The following SDE2 variants were observed in gnomAD, a reference collection of about 807,000 sequenced individuals.
The protein encoded by SDE2 is splicing regulator SDE2.
Under a neutral mutation model 46.9 loss-of-function variants are expected in SDE2, and 31 were observed. That is an observed-to-expected ratio of 0.66 (90% confidence interval 0.50 to 0.89). The LOEUF is 0.89. Among genes scored for constraint, SDE2 ranks in the 40% least tolerant of loss-of-function variants. SDE2 has a pLI of 0.00. For missense variants in SDE2, 542 were observed against 564.4 expected (o/e 0.96, Z 0.40); for synonymous variants, 205 against 204.3 (o/e 1.00, Z -0.03).
chr1:225,992,949 G>C lies in SDE2; in HGVS notation c.292C>G (p.Arg98Gly), dbSNP rs756471525. 6.2e-6 allele frequency: 10 copies of C among 1,613,312 alleles called. No homozygotes were observed. The highest frequency in any genetic ancestry group is 5.0e-5 in the Admixed American group (3 of 59,986). Residue 98 changes from arginine (R) to glycine (G), a missense_variant, in exon 3 of 7, where the codon CGA becomes GGA. Arg to Gly is a moderately radical substitution (Grantham distance 125). Transcript: ENST00000272091. ...LGAQIEKTTN[R>G]EACRDLSGRR... ...CCACTGAGATCCCGACAAGCTTCTCGATTGGTTGTCTTCTCAATCTGAGCA... is the reference window on the plus strand; with the variant it reads ...CCACTGAGATCCCGACAAGCTTCTCCATTGGTTGTCTTCTCAATCTGAGCA...
intron 2 of SDE2, 97 bp from the exon 3 acceptor site, chr1:225,993,099 G>A: frequency 3.9e-6 from 2 of 512,278 alleles, no homozygotes; most frequent in Non-Finnish European, 7.0e-6. Flanking sequence ...GATTAACAAT[G>A]ATCTCTACTT....
intron 5 of SDE2, among the ~76,000 whole-genome samples, chr1:225,989,852 G>T (rs1656357867): frequency 6.6e-6 from 1 of 151,950 alleles, no homozygotes; most frequent in Admixed American, 6.6e-5. Flanking sequence ...GAGGCGCGAG[G>T]ATCACCTGCT....
intron 1 of SDE2, among the ~76,000 whole-genome samples, chr1:225,995,899 A>C (rs1414589607): frequency 6.6e-6 from 1 of 152,120 alleles, no homozygotes; most frequent in Non-Finnish European, 1.5e-5. Context: ...AAATGAGCAA[A>C]GTTGCTGAAG....
intron 6 of SDE2, 48 bp downstream of exon 6, chr1:225,987,848 G>A (rs1656299641): frequency 4.0e-6 from 6 of 1,508,106 alleles, no homozygotes; most frequent in Non-Finnish European, 5.4e-6. Flanking sequence ...ACTTATTGTG[G>A]AGATTAAACT....
In SDE2 at chr1:225,984,960, A is replaced by G; in HGVS notation, c.*342T>C. 1 of 263,322 alleles carries G rather than the reference A, an allele frequency of 3.8e-6. No homozygotes were observed. Among genetic ancestry groups the G allele is most frequent in the Non-Finnish European group, 7.3e-6 (1 of 137,786 alleles). 16.3% of individuals were successfully genotyped at this position (263,322 alleles called of 1,614,324 possible). On this transcript the variant is annotated 3_prime_UTR_variant, in exon 7 of 7. Transcript: ENST00000272091. ...AAAGACATTAAAAGGGTAAGAAGGG[A>G]CCATTATAAATAACCTTATGTCTAC...
rs754930402 is a variant in SDE2, at chr1:225,992,926, A to G, written c.315T>C (p.Ser105=). The change falls in exon 3 of 7, where the codon AGT becomes AGC. Residue 105 remains serine (S), a synonymous_variant. Coordinates refer to ENST00000272091, the MANE Select transcript of SDE2 (RefSeq NM_152608.4). ...TTNREACRDL[S]GRRLRDVNHE... The stretch of plus-strand genomic sequence containing the variant: ...GATTGACATCGCGTAGTCTCCTTCC[A>G]CTGAGATCCCGACAAGCTTCTCGAT... 23 of 1,613,044 alleles carry G rather than the reference A, an allele frequency of 1.4e-5. No homozygotes were observed. Among genetic ancestry groups the G allele is most frequent in the Non-Finnish European group, 1.8e-5 (21 of 1,179,034 alleles).
At chr1:225,985,656 T>C (rs1218680175) in intron 6 of SDE2, 133 bp from the exon 7 acceptor site, 2 of 631,056 alleles carry the variant, frequency 3.2e-6, no homozygotes, top group East Asian at 2.7e-5. Flanking sequence ...TTAATCATCA[T>C]CCATCCACAT....
chr1:225,996,737 C>T (rs1998273), intron 1 of SDE2, among the ~76,000 whole-genome samples: 129,349 of 152,152 alleles, frequency 0.85, 55,296 homozygotes, highest in East Asian at 0.96. Flanking sequence ...AGTGTCATTA[C>T]AAGATTTGGG....
rs1203769463 is a variant in SDE2 at position 225,992,814 on chromosome 1, G to A, written c.350+77C>T. 33 of 784,748 alleles carry A rather than the reference G, an allele frequency of 4.2e-5. 1 individual carries two copies. The highest frequency in any genetic ancestry group is 2.3e-4 in the South Asian group (15 of 64,432). 48.6% of individuals were successfully genotyped at this position (784,748 alleles called of 1,614,324 possible). ...TTTTAAGTTTCCATTTCCAATATGC[G>A]TGGCATATGTATAATCACTACTAAT... On this transcript the variant is annotated intron_variant, in intron 3 of 6. Transcript: ENST00000272091.
rs1462763478 is a variant in SDE2 at position 225,991,499 on chromosome 1, A to G, written c.521-136T>C. ...TTCTTAAGATACCAACATTTTATAC[A>G]GTTAATCTCAAATTTACACAGATTT... On this transcript the variant is annotated intron_variant, in intron 4 of 6. Transcript: ENST00000272091. 4 of 617,714 alleles carry G rather than the reference A, an allele frequency of 6.5e-6. No individual in the cohort carries two copies. The East Asian group carries it at 1.1e-4, about 17-fold the overall frequency. 38.3% of individuals were successfully genotyped at this position (617,714 alleles called of 1,614,324 possible).
Position 225,984,529 on chromosome 1 carries a change from G to A in SDE2, c.*773C>T, listed in dbSNP as rs1241356130. The A allele has an allele frequency of 6.6e-6, 1 of 151,794 alleles. No homozygotes were observed. The highest frequency in any genetic ancestry group is 1.5e-5 in the Non-Finnish European group (1 of 67,954). 9.4% of individuals were successfully genotyped at this position (151,794 alleles called of 1,614,324 possible). ...TTGGTTCTTTAAAAGTTATATCGTC[G>A]GCCAGGCACGGTGGCTCACGCCTGT... On this transcript the variant is annotated 3_prime_UTR_variant, in exon 7 of 7. Coordinates refer to ENST00000272091, the MANE Select transcript of SDE2 (RefSeq NM_152608.4).
Position 225,995,246 on chromosome 1 carries a change from A to G in SDE2, c.238+20T>C. The G allele has an allele frequency of 8.8e-7, 1 of 1,142,268 alleles. No individual in the cohort carries two copies. Among genetic ancestry groups the G allele is most frequent in the Non-Finnish European group, 1.3e-6 (1 of 756,138 alleles). The allele number at this position is 1,142,268 out of a possible 1,614,324, so 70.8% of individuals were successfully genotyped here. ...GACTGCAAATGTGTTACAACTAAGT[A>G]GTCAATGTTCAGGTCCTACCTCCTT... On this transcript the variant is annotated intron_variant, in intron 2 of 6. Transcript: ENST00000272091.
chr1:225,986,224 T>C (rs1656264772), intron 6 of SDE2, among the ~76,000 whole-genome samples: 1 of 151,744 alleles, frequency 6.6e-6, no homozygotes, highest in African/African-American at 2.4e-5. Context: ...AGCGTGCCTG[T>C]AGTCTCAGCT....
chr1:225,994,546 C>T (rs924927334), intron 2 of SDE2, among the ~76,000 whole-genome samples: 3 of 152,178 alleles, frequency 2.0e-5, no homozygotes, highest in African/African-American at 7.2e-5. Flanking sequence ...TCTTTGTTAT[C>T]TTTCCTAGTA....
At chr1:225,987,538 T>TA (rs1374210060) in intron 6 of SDE2, among the ~76,000 whole-genome samples, 10 of 152,320 alleles carry the variant, frequency 6.6e-5, no homozygotes, top group Middle Eastern at 3.4e-3. Flanking sequence ...TCATCAAATC[T>TA]AAAATGCCAT....
intron 2 of SDE2, 128 bp from the exon 3 acceptor site, chr1:225,993,130 T>TA: frequency 2.0e-6 from 1 of 512,702 alleles, no homozygotes. Flanking sequence ...TTTTTTTTTT[T>TA]AAGAAAAGAT....
chr1:225,991,177 A>C, intron 5 of SDE2, 66 bp downstream of exon 5: 2 of 1,536,388 alleles, frequency 1.3e-6, no homozygotes, highest in Admixed American at 3.5e-5. Flanking sequence ...TATGCCAGAT[A>C]AACAAGGAGG....
intron 2 of SDE2, 42 bp downstream of exon 2, chr1:225,995,224 T>C (rs1031854788): frequency 1.0e-6 from 1 of 957,076 alleles, no homozygotes; most frequent in Non-Finnish European, 1.7e-6. Context: ...GAATAAAGAC[T>C]GCAAATGTGT....
intron 2 of SDE2, among the ~76,000 whole-genome samples, chr1:225,994,695 C>T (rs1314314874): frequency 2.6e-5 from 4 of 152,128 alleles, no homozygotes; most frequent in Non-Finnish European, 5.9e-5. Flanking sequence ...AGAAAAAAAA[C>T]TCTTTATTCA....
Sources: allele counts gnomAD v4.1 joint callset (sites outside exome capture counted in the v4.1 genomes callset), GRCh38; gene constraint gnomAD v4.1.1; transcripts MANE v1.5; gene names NCBI Gene and HGNC (gene_info 2026-07-23, HGNC 2026-07-21).